The following ITGB2 variants were observed in gnomAD, a reference collection of about 807,000 sequenced individuals.
The protein encoded by ITGB2 is integrin beta-2.
A neutral mutation model predicts 86.8 loss-of-function variants in ITGB2; 56 were observed. The ratio of observed to expected loss-of-function variants is 0.65; its 90% CI spans 0.52 to 0.81. ITGB2 has a LOEUF of 0.81. Among genes scored for constraint, ITGB2 ranks in the 30% least tolerant of loss-of-function variants. The pLI is 0.00. For synonymous variants in ITGB2, 457 were observed against 450.4 expected (o/e 1.01, Z -0.19); for missense variants, 948 against 1,061.2 (o/e 0.89, Z 1.48).
At chr21:44,896,905 C>T (rs546942920) in intron 8 of ITGB2, among the ~76,000 whole-genome samples, 33 of 152,346 alleles carry the variant, frequency 2.2e-4, no homozygotes, top group African/African-American at 5.8e-4. Context: ...GTCTGGCTGC[C>T]ATGACAAATG....
chr21:44,912,646 G>A (rs1352377131), intron 1 of ITGB2, among the ~76,000 whole-genome samples: 1 of 152,174 alleles, frequency 6.6e-6, no homozygotes, highest in Non-Finnish European at 1.5e-5. Flanking sequence ...TGATCGTTGG[G>A]GGTTGTGGTT....
rs1024387792 is a variant in ITGB2, at chr21:44,890,166, C to A, written c.1469G>T (p.Ser490Ile). Residue 490 changes from serine (S) to isoleucine (I), a missense_variant, in exon 12 of 16, where the codon AGC becomes ATC. Ser to Ile is a moderately radical substitution (Grantham distance 142, BLOSUM62 -2). Coordinates refer to ENST00000652462, the MANE Select transcript of ITGB2 (RefSeq NM_000211.5). ...CCGGCAGCTTCCTTCCAGCTCCTGG[C>A]TGCTCCGGCCCTGTGTCTGGCACTC... ...NCECQTQGRS[S>I]QELEGSCRKD... The A allele has an allele frequency of 6.2e-7, 1 of 1,613,328 alleles. No homozygotes were observed. The highest frequency in any genetic ancestry group is 1.7e-5 in the Admixed American group (1 of 60,024).
In ITGB2 at chr21:44,910,352, T is replaced by A. The variant is rs189250711; in HGVS notation, c.79A>T (p.Lys27Ter). The A allele has an allele frequency of 6.2e-7, 1 of 1,614,108 alleles. No homozygotes were observed. Among genetic ancestry groups the A allele is most frequent in the Non-Finnish European group, 8.5e-7 (1 of 1,180,004 alleles). The change falls in exon 3 of 16, where the codon AAG (lysine) becomes TAG (stop). Residue 27 changes from lysine (K) to a stop codon, truncating the protein, a stop_gained. Transcript: ENST00000652462. LOFTEE classifies it high-confidence loss of function. ...TCCCGGCAGCTGCTGACCTTGAACT[T>A]CGTGCACTCCTGAGAGAGGACTGAG... is the stretch of plus-strand genomic sequence containing the variant. ...LGCVLSQECTKFKVSSCRECI... is the reference protein window; with the variant it reads ...LGCVLSQECT
intron 3 of ITGB2, among the ~76,000 whole-genome samples, chr21:44,909,082 G>A (rs1374890763): frequency 2.0e-5 from 3 of 152,208 alleles, no homozygotes; most frequent in East Asian, 1.9e-4. Context: ...TGCAGCCATC[G>A]CAGTGATGGC....
At chr21:44,917,250 G>A (rs546115480) in intron 1 of ITGB2, among the ~76,000 whole-genome samples, 41 of 152,270 alleles carry the variant, frequency 2.7e-4, no homozygotes, top group African/African-American at 7.5e-4. Context: ...ACACAGCAAC[G>A]AAAACATGCA....
chr21:44,888,962 C>T, intron 13 of ITGB2, 67 bp from the exon 14 acceptor site: 2 of 1,453,554 alleles, frequency 1.4e-6, no homozygotes, highest in Non-Finnish European at 1.9e-6. Context: ...GGGGCTCGGG[C>T]TTGGGTGTGT....
chr21:44,888,996 G>A (rs1019481081), intron 13 of ITGB2, 101 bp from the exon 14 acceptor site: 7 of 1,052,306 alleles, frequency 6.7e-6, no homozygotes, highest in Admixed American at 4.0e-5. Flanking sequence ...GGCAGGTGGG[G>A]TTGGGGCGCC....
intron 1 of ITGB2, among the ~76,000 whole-genome samples, chr21:44,918,334 G>A (rs985083981): frequency 8.5e-5 from 13 of 152,250 alleles, no homozygotes; most frequent in Non-Finnish European, 1.8e-4. Flanking sequence ...ATCGCCACAG[G>A]CGTCACGCTG....
intron 1 of ITGB2, among the ~76,000 whole-genome samples, chr21:44,912,428 C>T (rs551417102): frequency 6.6e-6 from 1 of 152,260 alleles, no homozygotes; most frequent in East Asian, 1.9e-4. Flanking sequence ...GACGCCCCAA[C>T]AAGCCCCAAG....
chr21:44,910,185 A>G, intron 3 of ITGB2, 99 bp downstream of exon 3: 20 of 1,483,688 alleles, frequency 1.3e-5, no homozygotes, highest in Non-Finnish European at 1.6e-5. Context: ...CAAAAAGAAA[A>G]TGGAGTTGTT....
At chr21:44,909,867 C>T (rs1470273416) in intron 3 of ITGB2, among the ~76,000 whole-genome samples, 1 of 152,222 alleles carries the variant, frequency 6.6e-6, no homozygotes, top group Non-Finnish European at 1.5e-5. Context: ...CTGATAAGGG[C>T]TGTGTTTGGT....
At chr21:44,927,407 G>A (rs377715996) in intron 1 of ITGB2, among the ~76,000 whole-genome samples, 21 of 152,128 alleles carry the variant, frequency 1.4e-4, no homozygotes, top group African/African-American at 4.8e-4. Context: ...ACAGGGAGAT[G>A]TCCAAGTGGC....
chr21:44,915,734 C>A (rs972227670), intron 1 of ITGB2, among the ~76,000 whole-genome samples: 1 of 152,096 alleles, frequency 6.6e-6, no homozygotes, highest in Admixed American at 6.5e-5. Flanking sequence ...CACAGAGGCT[C>A]CAGGAAATCC....
intron 4 of ITGB2, among the ~76,000 whole-genome samples, chr21:44,904,204 G>A (rs557058295): frequency 7.0e-4 from 106 of 152,076 alleles, no homozygotes; most frequent in African/African-American, 2.4e-3. Flanking sequence ...CCAGCCTTCA[G>A]CCCCCCTGGG....
Position 44,889,996 on chromosome 21 carries a change from G to A in ITGB2, c.1639C>T (p.Gln547Ter). Residue 547 changes from glutamine (Q) to a stop codon, truncating the protein, a stop_gained, in exon 12 of 16, where the codon CAG becomes TAG. Transcript: ENST00000652462. LOFTEE classifies it high-confidence loss of function. ...GGCTCACCCGGGCCGCCGCAGACCT[G>A]GCCGTTGTAGCGCTCACAGTTGATG... is the stretch of plus-strand genomic sequence containing the variant. The part of the protein sequence containing the change: ...DTINCERYNG[Q>*]VCGGPGRGLC... 6.2e-7 allele frequency: 1 copy of A among 1,613,278 alleles called. No homozygotes were observed. The highest frequency in any genetic ancestry group is 8.5e-7 in the Non-Finnish European group (1 of 1,180,006).
chr21:44,926,365 A>G (rs2084373449), intron 1 of ITGB2, among the ~76,000 whole-genome samples: 1 of 152,240 alleles, frequency 6.6e-6, no homozygotes, highest in Non-Finnish European at 1.5e-5. Flanking sequence ...TGGTGCGTTT[A>G]GTGTAAAAAT....
At chr21:44,910,648 G>T in intron 2 of ITGB2, 77 bp downstream of exon 2, 13 of 1,547,516 alleles carry the variant, frequency 8.4e-6, no homozygotes, top group Non-Finnish European at 1.2e-5. Context: ...TCTGTCTATG[G>T]GAAAGTGAGG....
At chr21:44,916,756 T>C (rs2084217012) in intron 1 of ITGB2, among the ~76,000 whole-genome samples, 1 of 151,102 alleles carries the variant, frequency 6.6e-6, no homozygotes, top group South Asian at 2.1e-4. Flanking sequence ...TAATCCCAGC[T>C]ACTCGCGAGG....
chr21:44,924,372 G>A (rs1351168022), upstream of ITGB2, among the ~76,000 whole-genome samples: 1 of 152,184 alleles, frequency 6.6e-6, no homozygotes, highest in East Asian at 1.9e-4. Flanking sequence ...AGAGGTTGCA[G>A]TGAGCCGAGA....
Sources: allele counts gnomAD v4.1 joint callset (sites outside exome capture counted in the v4.1 genomes callset), GRCh38; gene constraint gnomAD v4.1.1; transcripts MANE v1.5; gene names NCBI Gene and HGNC (gene_info 2026-07-23, HGNC 2026-07-21).